PSG4: variants seen among roughly 807,000 people sequenced by gnomAD.
PSG4 encodes the protein pregnancy-specific beta-1-glycoprotein 4.
A neutral mutation model predicts 44.3 loss-of-function variants in PSG4; 61 were observed. The observed-to-expected ratio is 1.38, with a 90% confidence interval of 1.12 to 1.70. The LOEUF is 1.70. Ranked by LOEUF, PSG4 falls within the 40% of genes most tolerant of loss-of-function variation. PSG4 has a pLI of 0.00. For synonymous variants in PSG4, 248 were observed against 191.3 expected, an observed-to-expected ratio of 1.30 and a Z score of -2.45; for missense variants, 677 against 511.7, an observed-to-expected ratio of 1.32 and a Z score of -3.12.
At chr19:43,198,620 T>C (rs1321931109) in intron 2 of PSG4, 1 of 293,256 alleles carries the variant, frequency 3.4e-6, no homozygotes, top group Admixed American at 4.6e-5. Flanking sequence ...ACTTGGAGCA[T>C]GCAGTGCTGG....
At chr19:43,202,123 G>C (rs1447844928) in intron 2 of PSG4, among the ~76,000 whole-genome samples, 3 of 146,068 alleles carry the variant, frequency 2.1e-5, no homozygotes, top group Admixed American at 2.0e-4. Flanking sequence ...TAGTCAGAGG[G>C]AGTGTCTGGG....
At chr19:43,194,626 G>A in intron 4 of PSG4, 32 bp from the exon 5 acceptor site, 2 of 1,588,522 alleles carry the variant, frequency 1.3e-6, no homozygotes, top group Non-Finnish European at 1.7e-6. Flanking sequence ...CATAGGTGAT[G>A]TCATCCGAGG....
Position 43,195,991 on chromosome 19 carries a change from C to A in PSG4, c.710-718G>T, listed in dbSNP as rs534757955. Among the ~76,000 whole-genome samples the A allele has an allele frequency of 9.8e-3, 1,476 of 150,930 alleles. 61 individuals carry two copies. The highest frequency in any genetic ancestry group is 0.034 in the African/African-American group (1,393 of 40,896). ...AAGAGCTGGTGGCTTTGGAGCAGAACCATGTTCCCTGTCCTGGGTTCTTTA... is the reference window on the plus strand; with the variant it reads ...AAGAGCTGGTGGCTTTGGAGCAGAAACATGTTCCCTGTCCTGGGTTCTTTA... On this transcript the variant is annotated intron_variant, in intron 3 of 5. Coordinates refer to ENST00000405312, the MANE Select transcript of PSG4 (RefSeq NM_002780.5).
intron 2 of PSG4, 185 bp downstream of exon 2, chr19:43,203,700 CG>C: frequency 8.7e-7 from 1 of 1,145,492 alleles, no homozygotes; most frequent in Non-Finnish European, 1.2e-6. Flanking sequence ...GGTCTGAATG[CG>C]GGAAAGGAAT....
rs546437145 is a variant in PSG4, at chr19:43,202,610, A to G, written c.430+1276T>C. Among the ~76,000 whole-genome samples, 4 of 144,438 alleles carry G rather than the reference A, an allele frequency of 2.8e-5. No homozygotes were observed. The South Asian group carries it at 8.8e-4, about 32-fold the overall frequency. 94.8% of individuals were successfully genotyped at this position (144,438 alleles called of 152,430 possible). A position where few individuals can be genotyped will look rare whatever the true frequency, so the allele number is the denominator to read the frequency against. On this transcript the variant is annotated intron_variant, in intron 2 of 5. Coordinates refer to ENST00000405312, the MANE Select transcript of PSG4 (RefSeq NM_002780.5). ...AGGGTGTGAGTGGGGAAAGAAAACA[A>G]GGTCCTCTCCTTGATCTTCTCATGA...
At position 43,199,511 on chromosome 19, in the gene PSG4, T is replaced by C. The variant is rs534203471; in HGVS notation, c.431-1236A>G. Among the ~76,000 whole-genome samples, 40 of 145,792 alleles carry C rather than the reference T, an allele frequency of 2.7e-4. 13 individuals are homozygous for C. The East Asian group carries it at 9.4e-3, about 34-fold the overall frequency. On this transcript the variant is annotated intron_variant, in intron 2 of 5. Coordinates refer to ENST00000405312, the MANE Select transcript of PSG4 (RefSeq NM_002780.5). ...GGAATATTTGCAGTACATGTACTGG[T>C]TTAGCATCCCAAATCTGAAAAATTT...
chr19:43,193,403 T>C lies in PSG4; in HGVS notation c.1244-15A>G. The C allele has an allele frequency of 3.9e-6, 3 of 769,360 alleles. No homozygotes were observed. Among genetic ancestry groups the C allele is most frequent in the South Asian group, 2.7e-5 (2 of 74,582 alleles). The allele number at this position is 769,360 out of a possible 1,614,324, so 47.7% of individuals were successfully genotyped here. A position where few individuals can be genotyped will look rare whatever the true frequency, so the allele number is the denominator to read the frequency against. ...TAATATCCAGTCTACAGGTGGATAATAAAAACACAGAAACAATGAACAGAG... is the reference window on the plus strand; with the variant it reads ...TAATATCCAGTCTACAGGTGGATAACAAAAACACAGAAACAATGAACAGAG... On this transcript the variant is annotated splice_polypyrimidine_tract_variant and intron_variant, in intron 5 of 5. Coordinates refer to ENST00000405312, the MANE Select transcript of PSG4 (RefSeq NM_002780.5).
At chr19:43,204,830 T>A (rs1446329895) in intron 1 of PSG4, 3 of 427,544 alleles carry the variant, frequency 7.0e-6, no homozygotes, top group Non-Finnish European at 1.4e-5. Context: ...GATGTTTCTT[T>A]TTCCCCCCAA....
At chr19:43,204,288 C>G (rs1483846649) in intron 1 of PSG4, 37 bp from the exon 2 acceptor site, 1 of 1,529,526 alleles carries the variant, frequency 6.5e-7, no homozygotes, top group Non-Finnish European at 8.8e-7. Context: ...ATATTGAGAC[C>G]TATGTATTGG....
rs562425396 is a variant in PSG4, at chr19:43,196,988, A to G, written c.709+1009T>C. 2.0e-5 allele frequency among the ~76,000 whole-genome samples: 3 copies of G among 146,786 alleles called. 1 individual carries two copies. The highest frequency in any genetic ancestry group is 4.6e-4 in the East Asian group (2 of 4,350). On this transcript the variant is annotated intron_variant, in intron 3 of 5. Coordinates refer to ENST00000405312, the MANE Select transcript of PSG4 (RefSeq NM_002780.5). Reference sequence around the variant, plus strand: ...ATGAAAATGAAATGTCTTTCCATATATTGATATCGTCTTTAATTTCTTTCA... The same window carrying G: ...ATGAAAATGAAATGTCTTTCCATATGTTGATATCGTCTTTAATTTCTTTCA...
At chr19:43,194,077 T>C (rs1385959667) in intron 5 of PSG4, 2 of 1,197,400 alleles carry the variant, frequency 1.7e-6, no homozygotes, top group Admixed American at 3.0e-5. Flanking sequence ...CATAAAAATA[T>C]TATCCTCAAT....
chr19:43,201,952 A>T (rs572506559), intron 2 of PSG4, among the ~76,000 whole-genome samples: 2,964 of 143,248 alleles, frequency 0.021, 304 homozygotes, highest in African/African-American at 0.061. Flanking sequence ...GAGCCCTTGA[A>T]GGGAATACAG....
chr19:43,192,900 A>G lies in PSG4; in HGVS notation c.*472T>C, dbSNP rs1599762764. 1.2e-5 allele frequency: 4 copies of G among 342,928 alleles called. No homozygotes were observed. The highest frequency in any genetic ancestry group is 2.1e-5 in the African/African-American group (1 of 48,364). The allele number at this position is 342,928 out of a possible 1,614,324, so 21.2% of individuals were successfully genotyped here. On this transcript the variant is annotated 3_prime_UTR_variant, in exon 6 of 6. Transcript: ENST00000405312. ...AGGCAATATCTCTGTGTTCATTTCT[A>G]TTGGGAGCCCTGTATGCAAGATGGA...
rs1226017887 is a variant in PSG4, at chr19:43,195,217, C to T, written c.766G>A (p.Asp256Asn). Residue 256 changes from aspartate (D) to asparagine (N), a missense_variant, in exon 4 of 6, where the codon GAT becomes AAT. Asp to Asn is a conservative substitution (Grantham distance 23). Coordinates refer to ENST00000405312, the MANE Select transcript of PSG4 (RefSeq NM_002780.5). ...INNLNPRENK[D>N]VLTFTCEPKS... ...GGTTCACAGGTGAAGGTTAAGACAT[C>T]CTTATTCTCTCTGGGGTTTAAGTTG... The T allele has an allele frequency of 1.6e-5, 25 of 1,610,188 alleles. No individual in the cohort carries two copies. Among genetic ancestry groups the T allele is most frequent in the Non-Finnish European group, 2.0e-5 (23 of 1,179,026 alleles).
intron 2 of PSG4, among the ~76,000 whole-genome samples, chr19:43,201,952 A>G (rs572506559): frequency 7.0e-6 from 1 of 143,488 alleles, no homozygotes; most frequent in South Asian, 2.2e-4. Context: ...GAGCCCTTGA[A>G]GGGAATACAG....
Position 43,195,347 on chromosome 19 carries a change from T to C in PSG4, c.710-74A>G, listed in dbSNP as rs1490853350. The C allele has an allele frequency of 3.8e-6, 6 of 1,570,450 alleles. 1 individual carries two copies. Among genetic ancestry groups the C allele is most frequent in the East Asian group, 4.5e-5 (2 of 44,502 alleles). ...CTCCACAGGCATACTTCAATCAGAG[T>C]TGGCATCTCCCACCTCTCAGCCCAC... On this transcript the variant is annotated intron_variant, in intron 3 of 5. Coordinates refer to ENST00000405312, the MANE Select transcript of PSG4 (RefSeq NM_002780.5).
chr19:43,205,594 C>T lies in PSG4; in HGVS notation c.-58G>A, dbSNP rs1486308481. The T allele has an allele frequency of 1.7e-3, 2,550 of 1,474,736 alleles. 126 individuals are homozygous for T. The highest frequency in any genetic ancestry group is 2.0e-3 in the Non-Finnish European group (2,170 of 1,099,070). 91.4% of individuals were successfully genotyped at this position (1,474,736 alleles called of 1,614,324 possible). A position where few individuals can be genotyped will look rare whatever the true frequency, so the allele number is the denominator to read the frequency against. ...AGATAAGCCTAGGATCCAGAAGCTT[C>T]CTGAGTACGGCTGTCAGCTGTGCTG... On this transcript the variant is annotated 5_prime_UTR_variant, in exon 1 of 6. Transcript: ENST00000405312.
Position 43,198,083 on chromosome 19 carries a change from G to C in PSG4, c.623C>G (p.Thr208Arg). ...TTCATAGGGTCCTGCAATATACTTT[G>C]TGACACCAAATATAAAGAGGGTCCT... is the stretch of plus-strand genomic sequence containing the variant. ...TNRTLFIFGV[T>R]KYIAGPYECE... The change falls in exon 3 of 6, where the codon ACA becomes AGA. Residue 208 changes from threonine (T) to arginine (R), a missense_variant. Coordinates refer to ENST00000405312, the MANE Select transcript of PSG4 (RefSeq NM_002780.5). 6.3e-7 allele frequency: 1 copy of C among 1,587,822 alleles called. No homozygotes were observed. The highest frequency in any genetic ancestry group is 8.5e-7 in the Non-Finnish European group (1 of 1,171,922).
rs1967651245 is a variant in PSG4 at position 43,204,172 on chromosome 19, C to G, written c.144G>C (p.Gly48=). 6.3e-7 allele frequency: 1 copy of G among 1,586,630 alleles called. No individual in the cohort carries two copies. The highest frequency in any genetic ancestry group is 1.4e-5 in the African/African-American group (1 of 69,348). The change falls in exon 2 of 6, where the codon GGG becomes GGC. Residue 48 remains glycine (G), a synonymous_variant. Coordinates refer to ENST00000405312, the MANE Select transcript of PSG4 (RefSeq NM_002780.5). ...TGTGGACAAGTAGAAGAACATCCTT[C>G]CCCTCAGAAACTTTGGGTGGCTGGG... is the stretch of plus-strand genomic sequence containing the variant. ...IEAQPPKVSE[G]KDVLLLVHNL...
Sources: gnomAD v4.1 joint callset for allele counts (sites outside exome capture counted in the v4.1 genomes callset) on GRCh38, gnomAD v4.1.1 for gene constraint, MANE v1.5 for transcripts, NCBI Gene and HGNC (gene_info 2026-07-23, HGNC 2026-07-21) for gene names.